The following REDIC1 variants were observed in gnomAD, a reference collection of about 807,000 sequenced individuals.
REDIC1 encodes the protein regulator of DNA class I crossover intermediates 1, also known as HEI10 Interacting Protein 1.
the REDIC1 span, among the ~76,000 whole-genome samples, chr12:39,760,840 T>C: frequency 6.6e-6 from 1 of 151,880 alleles, no homozygotes; most frequent in Non-Finnish European, 1.5e-5. Context: ...CCTAGATGGA[T>C]GAGATATATG....
chr12:39,819,339 A>G, the REDIC1 span, among the ~76,000 whole-genome samples: 8 of 152,188 alleles, frequency 5.3e-5, no homozygotes, highest in Admixed American at 3.9e-4. Context: ...AGTCACAGTT[A>G]TAGGACCTTT....
chr12:39,640,483 T>C, the REDIC1 span, among the ~76,000 whole-genome samples: 49 of 152,060 alleles, frequency 3.2e-4, no homozygotes, highest in Admixed American at 2.1e-3. Context: ...ATGGCTGATA[T>C]ATTAACGTAA....
chr12:39,641,458 T>C, the REDIC1 span, among the ~76,000 whole-genome samples: 1 of 151,862 alleles, frequency 6.6e-6, no homozygotes, highest in African/African-American at 2.4e-5. Flanking sequence ...GTTTGGGTCA[T>C]TGTTATGCTG....
At chr12:39,697,343 G>T in the REDIC1 span, among the ~76,000 whole-genome samples, 1 of 152,190 alleles carries the variant, frequency 6.6e-6, no homozygotes, top group East Asian at 1.9e-4. Context: ...CACCAGACCT[G>T]TTCTGCAAGA....
chr12:39,658,876 C>T, the REDIC1 span, among the ~76,000 whole-genome samples: 10 of 151,850 alleles, frequency 6.6e-5, no homozygotes, highest in South Asian at 2.1e-4. Context: ...GTGTTATATT[C>T]GTACATTTAT....
chr12:39,812,374 TTTCTTTTCTTTCTTTC>T, the REDIC1 span, among the ~76,000 whole-genome samples: 1 of 122,288 alleles, frequency 8.2e-6, no homozygotes, highest in African/African-American at 2.9e-5. Flanking sequence ...TTTCTTTTCT[TTTCTTTTCTTTCTTTC>T]TCTCTCTCTT....
the REDIC1 span, among the ~76,000 whole-genome samples, chr12:39,823,720 A>T: frequency 1.5e-4 from 23 of 152,298 alleles, no homozygotes; most frequent in Non-Finnish European, 3.1e-4. Context: ...AGTAGCTGGG[A>T]CTACAGGAAT....
chr12:39,839,383 C>T, the REDIC1 span, among the ~76,000 whole-genome samples: 3 of 152,002 alleles, frequency 2.0e-5, no homozygotes, highest in African/African-American at 4.8e-5. Context: ...ATCTTAGACA[C>T]GTGAGTAAAT....
the REDIC1 span, among the ~76,000 whole-genome samples, chr12:39,689,157 T>C: frequency 1.3e-5 from 2 of 152,140 alleles, no homozygotes; most frequent in Non-Finnish European, 2.9e-5. Flanking sequence ...AAGGGAATTA[T>C]TTTTCCATGC....
the REDIC1 span, among the ~76,000 whole-genome samples, chr12:39,735,336 G>A: frequency 2.0e-5 from 3 of 152,082 alleles, no homozygotes; most frequent in South Asian, 6.2e-4. Flanking sequence ...GGGAAGAATG[G>A]GGATATTTAT....
At chr12:39,685,566 TC>T in the REDIC1 span, among the ~76,000 whole-genome samples, 1 of 152,050 alleles carries the variant, frequency 6.6e-6, no homozygotes, top group Non-Finnish European at 1.5e-5. Flanking sequence ...AAGCCCCACC[TC>T]CAACACTCAG....
the REDIC1 span, among the ~76,000 whole-genome samples, chr12:39,779,050 C>A: frequency 1.3e-5 from 2 of 152,186 alleles, no homozygotes; most frequent in Non-Finnish European, 2.9e-5. Flanking sequence ...ATATGAGACA[C>A]TTTCCCCCAG....
At chr12:39,703,794 A>G in the REDIC1 span, among the ~76,000 whole-genome samples, 1 of 152,230 alleles carries the variant, frequency 6.6e-6, no homozygotes, top group African/African-American at 2.4e-5. Context: ...CAACTATCTG[A>G]TCTTTGACAA....
chr12:39,853,966 T>A, the REDIC1 span, among the ~76,000 whole-genome samples: 28 of 152,154 alleles, frequency 1.8e-4, no homozygotes, highest in African/African-American at 6.3e-4. Flanking sequence ...CAGTATTTTG[T>A]TAAAATAAAA....
chr12:39,656,868 A>T, the REDIC1 span, among the ~76,000 whole-genome samples: 1 of 152,228 alleles, frequency 6.6e-6, no homozygotes, highest in African/African-American at 2.4e-5. Context: ...AAGGCTGTAA[A>T]GAAAAATTTT....
the REDIC1 span, among the ~76,000 whole-genome samples, chr12:39,731,831 C>CTTTTT: frequency 6.9e-6 from 1 of 144,268 alleles, no homozygotes; most frequent in Admixed American, 6.9e-5. Flanking sequence ...TGCTGCCTTT[C>CTTTTT]TTTTTTTTTT....
chr12:39,870,885 A>G, the REDIC1 span, among the ~76,000 whole-genome samples: 2 of 151,988 alleles, frequency 1.3e-5, no homozygotes, highest in African/African-American at 2.4e-5. Flanking sequence ...GTATTTTCTC[A>G]TCAAATATGG....
chr12:39,734,892 A>G, the REDIC1 span, among the ~76,000 whole-genome samples: 1 of 152,206 alleles, frequency 6.6e-6, no homozygotes, highest in African/African-American at 2.4e-5. Flanking sequence ...GATTTTGGTA[A>G]GGATTGTGTT....
the REDIC1 span, chr12:39,683,008 T>G: frequency 1.1e-5 from 17 of 1,613,216 alleles, no homozygotes; most frequent in Non-Finnish European, 1.4e-5. Flanking sequence ...TAATTCGACT[T>G]TGAATAAAAC....
Sources: gnomAD v4.1 joint callset for allele counts (sites outside exome capture counted in the v4.1 genomes callset) on GRCh38, gnomAD v4.1.1 for gene constraint, MANE v1.5 for transcripts, NCBI Gene and HGNC (gene_info 2026-07-23, HGNC 2026-07-21) for gene names.